SLC5A4: variants seen among roughly 807,000 people sequenced by gnomAD.
SLC5A4 encodes the protein probable glucose sensor protein SLC5A4.
Under a neutral mutation model 70.3 loss-of-function variants are expected in SLC5A4, and 55 were observed. The ratio of observed to expected loss-of-function variants is 0.78; its 90% CI spans 0.63 to 0.98. SLC5A4 has a LOEUF of 0.98. Ranked by LOEUF, SLC5A4 falls within the 50% of genes least tolerant of loss-of-function variation. The pLI is 0.00. For missense variants in SLC5A4, 735 were observed against 839.2 expected (o/e 0.88, Z 1.53); for synonymous variants, 268 against 305.7 (o/e 0.88, Z 1.29).
At chr22:32,299,823 A>G in the SLC5A4 span, among the ~76,000 whole-genome samples, 1 of 126,298 alleles carries the variant, frequency 7.9e-6, no homozygotes, top group African/African-American at 2.9e-5. Flanking sequence ...TGATGTACAG[A>G]TGGGTTTTTG....
chr22:32,311,957 G>A, the SLC5A4 span, among the ~76,000 whole-genome samples: 1 of 152,118 alleles, frequency 6.6e-6, no homozygotes, highest in Non-Finnish European at 1.5e-5. Context: ...GTCTCCTCCT[G>A]GCCATGTGGC....
the SLC5A4 span, among the ~76,000 whole-genome samples, chr22:32,351,725 GGGTGGGGGC>G: frequency 1.6e-5 from 1 of 63,706 alleles, no homozygotes; most frequent in Non-Finnish European, 2.7e-5. Flanking sequence ...CGTGGGGGGA[GGGTGGGGGC>G]GGTGGGGGGA....
the SLC5A4 span, among the ~76,000 whole-genome samples, chr22:32,302,249 T>TG: frequency 3.5e-5 from 4 of 114,578 alleles, no homozygotes; most frequent in Non-Finnish European, 5.7e-5. Flanking sequence ...TACTTTTGAG[T>TG]GTTTTTTTTT....
the SLC5A4 span, among the ~76,000 whole-genome samples, chr22:32,343,797 T>C: frequency 6.6e-6 from 1 of 152,198 alleles, no homozygotes; most frequent in Non-Finnish European, 1.5e-5. Flanking sequence ...ACAATGCTAA[T>C]ACAACTTTTC....
At chr22:32,272,325 T>A in the SLC5A4 span, 1 of 827,050 alleles carries the variant, frequency 1.2e-6, no homozygotes, top group South Asian at 1.4e-5. Flanking sequence ...GACTGCCCTG[T>A]GCACTGCAAG....
the SLC5A4 span, among the ~76,000 whole-genome samples, chr22:32,317,596 A>G: frequency 6.6e-6 from 1 of 152,164 alleles, no homozygotes; most frequent in Admixed American, 6.5e-5. Flanking sequence ...CTGTGTAGCT[A>G]AGACTACAGG....
intron 3 of SLC5A4, among the ~76,000 whole-genome samples, chr22:32,250,311 G>A (rs1202038932): frequency 1.3e-5 from 2 of 152,118 alleles, no homozygotes; most frequent in Non-Finnish European, 2.9e-5. Flanking sequence ...GACCTCAGGA[G>A]TTAAGAGACC....
Position 32,254,229 on chromosome 22 carries a change from G to C in SLC5A4, c.136-16C>G. ...TCAGCATCGCCTGAGCAGAAGGGAA[G>C]ACAGGTGAGGGTCAAGCCCCAGCAA... On this transcript the variant is annotated splice_polypyrimidine_tract_variant and intron_variant, in intron 1 of 14. Coordinates refer to ENST00000266086, the MANE Select transcript of SLC5A4 (RefSeq NM_014227.3). 1 of 1,606,428 alleles carries C rather than the reference G, an allele frequency of 6.2e-7. No homozygotes were observed.
chr22:32,290,338 TGTG>T, the SLC5A4 span, among the ~76,000 whole-genome samples: 1 of 152,148 alleles, frequency 6.6e-6, no homozygotes, highest in African/African-American at 2.4e-5. Context: ...TATGAGGACA[TGTG>T]GTGTTTTCTC....
chr22:32,314,256 T>C, the SLC5A4 span, among the ~76,000 whole-genome samples: 2 of 152,202 alleles, frequency 1.3e-5, no homozygotes, highest in Non-Finnish European at 2.9e-5. Context: ...CACACACCTC[T>C]ATCCAGCATA....
the SLC5A4 span, chr22:32,270,494 A>T: frequency 1.3e-6 from 1 of 767,650 alleles, no homozygotes; most frequent in Admixed American, 1.9e-5. Flanking sequence ...AGCACCCCCG[A>T]AGCGGACAAT....
At chr22:32,284,560 C>T in the SLC5A4 span, 2 of 152,216 alleles carry the variant, frequency 1.3e-5, no homozygotes, top group African/African-American at 4.8e-5. Context: ...GTTGACCTCT[C>T]CACGTGGCTA....
chr22:32,350,039 G>C, the SLC5A4 span, among the ~76,000 whole-genome samples: 1 of 152,072 alleles, frequency 6.6e-6, no homozygotes. Flanking sequence ...GCCTTCCCCA[G>C]GTTTTGAGAG....
intron 13 of SLC5A4, among the ~76,000 whole-genome samples, chr22:32,221,521 A>G (rs1395479321): frequency 6.6e-6 from 1 of 152,180 alleles, no homozygotes; most frequent in African/African-American, 2.4e-5. Context: ...TCCTTTTCCT[A>G]AACCATCTCC....
At chr22:32,227,347 T>G (rs1925463716) in intron 11 of SLC5A4, among the ~76,000 whole-genome samples, 1 of 152,144 alleles carries the variant, frequency 6.6e-6, no homozygotes. Context: ...CTACTAAAGG[T>G]ACACTCCTGC....
chr22:32,309,835 G>A, the SLC5A4 span, among the ~76,000 whole-genome samples: 8 of 151,806 alleles, frequency 5.3e-5, no homozygotes, highest in African/African-American at 1.9e-4. Flanking sequence ...CTGCGGGAAG[G>A]AGGGTGCTGT....
the SLC5A4 span, among the ~76,000 whole-genome samples, chr22:32,277,700 AC>A: frequency 6.6e-6 from 1 of 152,036 alleles, no homozygotes; most frequent in South Asian, 2.1e-4. Context: ...GGTGCCCGCC[AC>A]CATGCCTGGC....
the SLC5A4 span, among the ~76,000 whole-genome samples, chr22:32,345,776 A>C: frequency 6.6e-6 from 1 of 152,184 alleles, no homozygotes; most frequent in African/African-American, 2.4e-5. Context: ...TCCCCAGCCT[A>C]AGTGACAACA....
chr22:32,311,613 A>G, the SLC5A4 span, among the ~76,000 whole-genome samples: 1 of 152,186 alleles, frequency 6.6e-6, no homozygotes, highest in Non-Finnish European at 1.5e-5. Flanking sequence ...GGGTTTCCAT[A>G]GCCTCGTTAC....
Sources: gnomAD v4.1 joint callset for allele counts (sites outside exome capture counted in the v4.1 genomes callset) on GRCh38, gnomAD v4.1.1 for gene constraint, MANE v1.5 for transcripts, NCBI Gene and HGNC (gene_info 2026-07-23, HGNC 2026-07-21) for gene names.